VASP: variants seen among roughly 807,000 people sequenced by gnomAD.
VASP encodes the protein vasodilator stimulated phosphoprotein, also known as vasodilator-stimulated phosphoprotein.
In VASP, 27 loss-of-function variants were observed where a neutral mutation model predicts 54.4. The ratio of observed to expected loss-of-function variants is 0.50; its 90% CI spans 0.37 to 0.68. The LOEUF (loss-of-function observed/expected upper bound fraction) is 0.68. VASP is among the 30% of genes least tolerant of loss of function. The pLI, the probability that VASP is intolerant of heterozygous loss-of-function variation, is 0.00. For missense variants in VASP, 488 were observed against 528.3 expected (o/e 0.92, Z 0.75); for synonymous variants, 233 against 209.8 (o/e 1.11, Z -0.96).
At chr19:45,520,153 C>T (rs1159455685) in intron 3 of VASP, among the ~76,000 whole-genome samples, 2 of 152,086 alleles carry the variant, frequency 1.3e-5, no homozygotes, top group Non-Finnish European at 2.9e-5. Context: ...CCACTCGCCT[C>T]GGCCTCCCAG....
At position 45,526,200 on chromosome 19, in the gene VASP, C is replaced by A; in HGVS notation, c.*23C>A. ...TGACCACAGGGACCCAGAAGACCCGCTTCTCCTTTCCGCACACCCGGCCTG... is the reference window on the plus strand; with the variant it reads ...TGACCACAGGGACCCAGAAGACCCGATTCTCCTTTCCGCACACCCGGCCTG... On this transcript the variant is annotated 3_prime_UTR_variant, in exon 13 of 13. Coordinates refer to ENST00000245932, the MANE Select transcript of VASP (RefSeq NM_003370.4). The A allele has an allele frequency of 6.3e-7, 1 of 1,595,052 alleles. No individual in the cohort carries two copies. The highest frequency in any genetic ancestry group is 8.5e-7 in the Non-Finnish European group (1 of 1,175,154).
intron 1 of VASP, among the ~76,000 whole-genome samples, chr19:45,515,028 G>C (rs1187609131): frequency 2.0e-5 from 3 of 152,192 alleles, no homozygotes; most frequent in Admixed American, 2.0e-4. Context: ...AGTGACTTTG[G>C]GGGAGGGGCT....
chr19:45,514,544 C>T (rs1054057828), intron 1 of VASP, among the ~76,000 whole-genome samples: 4 of 152,176 alleles, frequency 2.6e-5, no homozygotes, highest in African/African-American at 9.7e-5. Flanking sequence ...TAACAGGATC[C>T]TTCTGTTACA....
rs1468515469 is a variant in VASP, at chr19:45,507,655, G to A, written c.-117G>A. ...CCCAGGAAGCCGGACTCTATGGGGC[G>A]GGACCCTGGGGGAGCCTGAGCCGAG... On this transcript the variant is annotated 5_prime_UTR_variant, in exon 1 of 13. Transcript: ENST00000245932. This position sits in a 1 kb window ranked among gnomAD's most constrained non-coding sequence, Gnocchi z 4.4. 33 of 1,357,266 alleles carry A rather than the reference G, an allele frequency of 2.4e-5. No individual in the cohort carries two copies. Among genetic ancestry groups the A allele is most frequent in the Non-Finnish European group, 3.1e-5 (31 of 1,001,970 alleles). 84.1% of individuals were successfully genotyped at this position (1,357,266 alleles called of 1,614,324 possible).
Position 45,519,894 on chromosome 19 carries a change from C to CTTTTTTTTT in VASP, c.344-1408_344-1400dup, listed in dbSNP as rs57892194. On this transcript the variant is annotated intron_variant, in intron 3 of 12. Transcript: ENST00000245932. The stretch of plus-strand genomic sequence containing the variant: ...ACAGGCGTGAGCCACTGCGCCCGGC[C>CTTTTTTTTT]TTTTTTTTTTTTTTTTTTTTTTTTT... Among the ~76,000 whole-genome samples, 126 of 50,988 alleles carry CTTTTTTTTT rather than the reference C, an allele frequency of 2.5e-3. 24 individuals are homozygous for CTTTTTTTTT. The highest frequency in any genetic ancestry group is 0.012 in the African/African-American group (121 of 10,218). 33.5% of individuals were successfully genotyped at this position (50,988 alleles called of 152,430 possible).
At chr19:45,524,206 G>A (rs902219303) in intron 10 of VASP, 64 bp downstream of exon 10, 1 of 1,585,330 alleles carries the variant, frequency 6.3e-7, no homozygotes, top group Non-Finnish European at 8.6e-7. Flanking sequence ...AGCCCAGGAG[G>A]TCAAGACCAG....
chr19:45,523,777 C>G, intron 8 of VASP, 64 bp from the exon 9 acceptor site: 2 of 1,613,988 alleles, frequency 1.2e-6, no homozygotes, highest in Non-Finnish European at 1.7e-6. Context: ...GGGTTTGAAC[C>G]TGAAAGAGGA....
chr19:45,523,687 T>C lies in VASP; in HGVS notation c.865T>C (p.Ser289Pro), dbSNP rs1158202706. The C allele has an allele frequency of 6.2e-7, 1 of 1,613,950 alleles. No homozygotes were observed. The highest frequency in any genetic ancestry group is 1.3e-5 in the African/African-American group (1 of 74,888). The change falls in exon 8 of 13, where the codon TCT becomes CCT. Residue 289 changes from serine (S) to proline (P), a missense_variant. By Grantham distance (74) the Ser-to-Pro change is moderately conservative. Transcript: ENST00000245932. ...QVGEKTPKDE[S>P]ANQEEPEARV... ...TGGGGAGAAAACCCCCAAGGATGAA[T>C]CTGCCAATGTAAGTCAGGGACTCTT... is the stretch of plus-strand genomic sequence containing the variant.
intron 3 of VASP, among the ~76,000 whole-genome samples, chr19:45,518,577 C>T (rs963268160): frequency 6.6e-6 from 1 of 151,712 alleles, no homozygotes; most frequent in South Asian, 2.1e-4. Flanking sequence ...AAAACAAACA[C>T]AAAAAAAATG....
At chr19:45,515,538 CT>C (rs1288623644) in intron 1 of VASP, among the ~76,000 whole-genome samples, 2 of 152,030 alleles carry the variant, frequency 1.3e-5, no homozygotes, top group Admixed American at 6.6e-5. Flanking sequence ...AAGCACTTAG[CT>C]TTTTTTCTTT....
chr19:45,516,974 ACT>A (rs1167237673), intron 1 of VASP, among the ~76,000 whole-genome samples: 2 of 71,794 alleles, frequency 2.8e-5, no homozygotes, highest in Non-Finnish European at 4.9e-5. Context: ...ACAGAGTAAG[ACT>A]CTGTCTCAAA....
chr19:45,525,857 A>G (rs527279143), intron 11 of VASP, 89 bp from the exon 12 acceptor site: 1 of 1,330,560 alleles, frequency 7.5e-7, no homozygotes, highest in African/African-American at 1.5e-5. Flanking sequence ...CAACAGAGCA[A>G]GGTTCCTTCT....
intron 1 of VASP, among the ~76,000 whole-genome samples, chr19:45,512,229 C>A (rs1233160248): frequency 6.6e-6 from 1 of 152,142 alleles, no homozygotes; most frequent in African/African-American, 2.4e-5. Flanking sequence ...CAGTTAGTGT[C>A]TTGGGAAACA....
At chr19:45,511,426 G>T (rs1046749571) in intron 1 of VASP, among the ~76,000 whole-genome samples, 1 of 146,690 alleles carries the variant, frequency 6.8e-6, no homozygotes, top group Non-Finnish European at 1.5e-5. Flanking sequence ...TCCAGGGCTG[G>T]AAACTGAGTT....
At chr19:45,512,757 G>A (rs1480573021) in intron 1 of VASP, among the ~76,000 whole-genome samples, 3 of 151,662 alleles carry the variant, frequency 2.0e-5, no homozygotes, top group South Asian at 2.1e-4. Flanking sequence ...CCGCCACCAC[G>A]CCTGGCTAAT....
In VASP at chr19:45,524,669, G is replaced by A. The variant is rs376686489; in HGVS notation, c.1047+9G>A. 3.7e-6 allele frequency: 6 copies of A among 1,613,322 alleles called. No homozygotes were observed. Among genetic ancestry groups the A allele is most frequent in the South Asian group, 1.1e-5 (1 of 91,032 alleles). On this transcript the variant is annotated intron_variant, in intron 11 of 12. Transcript: ENST00000245932. ...TACAGAGGGTGAAACAGGTAACTTG[G>A]GGGGGAAGTTGGGGACCACAGCAAG...
intron 3 of VASP, among the ~76,000 whole-genome samples, chr19:45,518,726 A>T (rs1250339513): frequency 6.6e-6 from 1 of 152,208 alleles, no homozygotes; most frequent in Non-Finnish European, 1.5e-5. Context: ...GTGCACTGGC[A>T]CAATCATGGC....
intron 1 of VASP, among the ~76,000 whole-genome samples, chr19:45,515,861 G>C (rs1968691567): frequency 6.6e-6 from 1 of 152,096 alleles, no homozygotes; most frequent in Non-Finnish European, 1.5e-5. Flanking sequence ...TAGGTGCCCA[G>C]ATTCATGTGC....
chr19:45,509,421 G>A (rs891337701), intron 1 of VASP, among the ~76,000 whole-genome samples: 1 of 151,620 alleles, frequency 6.6e-6, no homozygotes, highest in Admixed American at 6.6e-5. Context: ...TCCCAGGCTC[G>A]GTGGAAGGCG....
Sources: allele counts gnomAD v4.1 joint callset (sites outside exome capture counted in the v4.1 genomes callset), GRCh38; gene constraint gnomAD v4.1.1; non-coding constraint Gnocchi (gnomAD v3.1); transcripts MANE v1.5; gene names NCBI Gene and HGNC (gene_info 2026-07-23, HGNC 2026-07-21).